Variants in CLEC2L observed in about 807,000 individuals in gnomAD.
CLEC2L encodes C-type lectin domain family 2, member L.
In CLEC2L, 14 loss-of-function variants were observed where a neutral mutation model predicts 23.6. The ratio of observed to expected loss-of-function variants is 0.59; its 90% confidence interval spans 0.39 to 0.93. CLEC2L has a LOEUF of 0.93. CLEC2L is among the 40% of genes least tolerant of loss of function. The pLI is 0.00. For synonymous variants in CLEC2L, 114 were observed against 121.3 expected, an observed-to-expected ratio of 0.94 and a Z score of 0.40; for missense variants, 264 against 282.4, an observed-to-expected ratio of 0.93 and a Z score of 0.47.
At chr7:139,532,333 C>A (rs1382142615) in intron 1 of CLEC2L, among the ~76,000 whole-genome samples, 7 of 152,158 alleles carry the variant, frequency 4.6e-5, no homozygotes, top group Admixed American at 4.6e-4. Flanking sequence ...CTTCCTCAGG[C>A]AGCCATTGGA....
intron 1 of CLEC2L, among the ~76,000 whole-genome samples, chr7:139,526,539 G>A (rs918774280): frequency 6.6e-6 from 1 of 152,172 alleles, no homozygotes; most frequent in African/African-American, 2.4e-5. Context: ...ACCATTCTGG[G>A]CCCTGGGCAC....
intron 4 of CLEC2L, among the ~76,000 whole-genome samples, chr7:139,543,600 A>G (rs981664208): frequency 6.6e-6 from 1 of 152,152 alleles, no homozygotes; most frequent in Non-Finnish European, 1.5e-5. Context: ...GTAGGGGGGA[A>G]TCCTCCCACC....
chr7:139,523,944 A>G lies in CLEC2L; in HGVS notation c.17A>G (p.Glu6Gly). The change falls in exon 1 of 5, where the codon GAG becomes GGG. Residue 6 changes from glutamate to glycine, a missense_variant. Glu to Gly is a moderately conservative substitution (Grantham distance 98). Transcript: ENST00000422142. The surrounding 1 kb of genome is among the most constrained non-coding windows in gnomAD (Gnocchi z 4.1). ...GCGCCCCGCATGGAGCCGGCCCGGG[A>G]GCCCCCCTCGCGGGCCCGGCCGCCG... MEPAR[E>G]PPSRARPPPP... 1 of 972,750 alleles carries G rather than the reference A, an allele frequency of 1.0e-6. No homozygotes were observed. The highest frequency in any genetic ancestry group is 1.2e-6 in the Non-Finnish European group (1 of 822,680). The allele number at this position is 972,750 out of a possible 1,614,324, so 60.3% of individuals were successfully genotyped here. A position where few individuals can be genotyped will look rare whatever the true frequency, so the allele number is the denominator to read the frequency against.
chr7:139,544,367 C>A lies in CLEC2L; in HGVS notation c.*25C>A, dbSNP rs748081698. ...AGGTGGGTGGGGCCAGAGGTGGCCC[C>A]GCCCCTAGGCCTGTGGGAGGTGTCT... On this transcript the variant is annotated 3_prime_UTR_variant, in exon 5 of 5. Coordinates refer to ENST00000422142, the MANE Select transcript of CLEC2L (RefSeq NM_001080511.4). The A allele has an allele frequency of 2.6e-6, 4 of 1,513,404 alleles. No homozygotes were observed. The highest frequency in any genetic ancestry group is 2.7e-6 in the Non-Finnish European group (3 of 1,098,992). 93.7% of individuals were successfully genotyped at this position (1,513,404 alleles called of 1,614,324 possible). A position where few individuals can be genotyped will look rare whatever the true frequency, so the allele number is the denominator to read the frequency against.
At chr7:139,543,653 A>C (rs1000495341) in intron 4 of CLEC2L, among the ~76,000 whole-genome samples, 2 of 152,208 alleles carry the variant, frequency 1.3e-5, no homozygotes, top group African/African-American at 4.8e-5. Flanking sequence ...TGTGCAACCC[A>C]GCCTCAGTTA....
Position 139,537,772 on chromosome 7 carries a change from T to A in CLEC2L, c.265+1424T>A, listed in dbSNP as rs76747784. Among the ~76,000 whole-genome samples, 1,328 of 152,294 alleles carry A rather than the reference T, an allele frequency of 8.7e-3. 19 individuals are homozygous for A. Among genetic ancestry groups the A allele is most frequent in the African/African-American group, 0.03 (1,251 of 41,566 alleles). On this transcript the variant is annotated intron_variant, in intron 2 of 4. Transcript: ENST00000422142. ...TATGTCAAAGTGGCATATTTTAGGGTGGCATATTCTGGACCCCATCAAGGA... is the reference window on the plus strand; with the variant it reads ...TATGTCAAAGTGGCATATTTTAGGGAGGCATATTCTGGACCCCATCAAGGA...
At chr7:139,530,425 G>A (rs1797565110) in intron 1 of CLEC2L, among the ~76,000 whole-genome samples, 1 of 152,130 alleles carries the variant, frequency 6.6e-6, no homozygotes, top group South Asian at 2.1e-4. Flanking sequence ...AGAACAGGAG[G>A]ACTGGTTGAA....
chr7:139,536,330 G>A lies in CLEC2L; in HGVS notation c.247G>A (p.Val83Met). The A allele has an allele frequency of 3.9e-6, 6 of 1,551,526 alleles. No individual in the cohort carries two copies. Among genetic ancestry groups the A allele is most frequent in the Non-Finnish European group, 5.2e-6 (6 of 1,146,872 alleles). The change falls in exon 2 of 5, where the codon GTG becomes ATG. Residue 83 changes from valine to methionine, a missense_variant. Physicochemically the swap from Val to Met is conservative, Grantham distance 21. Coordinates refer to ENST00000422142, the MANE Select transcript of CLEC2L (RefSeq NM_001080511.4). ...AIAVLLFAILVVMSILASKGC... is the reference protein window; with the variant it reads ...AIAVLLFAILMVMSILASKGC... ...CGCGGTCCTTCTGTTCGCCATCTTG[G>A]TGGTGATGAGCATCTTGGGTGAGCA... is the stretch of plus-strand genomic sequence containing the variant.
At chr7:139,531,325 A>G (rs1283389386) in intron 1 of CLEC2L, among the ~76,000 whole-genome samples, 2 of 152,240 alleles carry the variant, frequency 1.3e-5, no homozygotes. Context: ...TAAAACAAGA[A>G]TAGGATTCTT....
intron 1 of CLEC2L, among the ~76,000 whole-genome samples, chr7:139,530,813 CAAAAAAAA>C (rs34317849): frequency 1.2e-5 from 1 of 80,656 alleles, no homozygotes; most frequent in South Asian, 4.9e-4. Flanking sequence ...ACTCTTGTCT[CAAAAAAAA>C]AAAAAAAAAA....
chr7:139,542,169 G>T (rs1351221094), intron 4 of CLEC2L, 48 bp downstream of exon 4: 5 of 1,317,000 alleles, frequency 3.8e-6, no homozygotes, highest in Non-Finnish European at 5.3e-6. Context: ...ACTGAGAAAG[G>T]CCTGACTCAC....
intron 2 of CLEC2L, among the ~76,000 whole-genome samples, chr7:139,537,595 G>A (rs1421656950): frequency 6.6e-6 from 1 of 152,214 alleles, no homozygotes; most frequent in African/African-American, 2.4e-5. Flanking sequence ...GGTTTAGGGT[G>A]GGCAGTGGGG....
In CLEC2L at chr7:139,542,066, C is replaced by A; in HGVS notation, c.478C>A (p.Arg160Ser). 1 of 1,613,184 alleles carries A rather than the reference C, an allele frequency of 6.2e-7. No homozygotes were observed. The highest frequency in any genetic ancestry group is 1.7e-5 in the Admixed American group (1 of 59,908). The change falls in exon 4 of 5, where the codon CGC becomes AGC. Residue 160 changes from arginine (R) to serine (S), a missense_variant. Coordinates refer to ENST00000422142, the MANE Select transcript of CLEC2L (RefSeq NM_001080511.4). Reference protein sequence around the residue: ...FTRREPWIGLRRVGDEFHWVN... With the variant: ...FTRREPWIGLSRVGDEFHWVN... ...GCGGAGGGAGCCCTGGATTGGACTA[C>A]GCAGAGTTGGGGACGAATTCCACTG...
intron 2 of CLEC2L, among the ~76,000 whole-genome samples, chr7:139,537,499 G>A (rs1386644227): frequency 1.3e-5 from 2 of 152,184 alleles, no homozygotes; most frequent in Non-Finnish European, 2.9e-5. Context: ...GGGAGATAAA[G>A]GCTATTTTGG....
chr7:139,544,405 A>G lies in CLEC2L; in HGVS notation c.*63A>G, dbSNP rs1797779679. 1 of 1,237,538 alleles carries G rather than the reference A, an allele frequency of 8.1e-7. No individual in the cohort carries two copies. The highest frequency in any genetic ancestry group is 1.5e-5 in the African/African-American group (1 of 67,224). The allele number at this position is 1,237,538 out of a possible 1,614,324, so 76.7% of individuals were successfully genotyped here. A position where few individuals can be genotyped will look rare whatever the true frequency, so the allele number is the denominator to read the frequency against. ...GTGGGAGGTGTCTGGTGTCTGCTCA[A>G]GACCTGCTTCCAGCGGAGCCGCCTG... On this transcript the variant is annotated 3_prime_UTR_variant, in exon 5 of 5. Coordinates refer to ENST00000422142, the MANE Select transcript of CLEC2L (RefSeq NM_001080511.4).
intron 2 of CLEC2L, among the ~76,000 whole-genome samples, chr7:139,538,684 G>A (rs773937283): frequency 1.3e-5 from 2 of 152,200 alleles, no homozygotes; most frequent in African/African-American, 2.4e-5. Flanking sequence ...GGGAGGCAGA[G>A]GTTGCAGTGA....
chr7:139,538,439 A>AC (rs1797689042), intron 2 of CLEC2L, among the ~76,000 whole-genome samples: 1 of 148,034 alleles, frequency 6.8e-6, no homozygotes, highest in African/African-American at 2.5e-5. Context: ...TCAAAAAAAA[A>AC]AAAACAAAAA....
chr7:139,527,072 C>T (rs1234453249), intron 1 of CLEC2L, among the ~76,000 whole-genome samples: 1 of 152,262 alleles, frequency 6.6e-6, no homozygotes, highest in Non-Finnish European at 1.5e-5. Context: ...GTGCCCAATG[C>T]ACATCAAGCA....
intron 1 of CLEC2L, among the ~76,000 whole-genome samples, chr7:139,531,342 G>A (rs1288927350): frequency 3.9e-5 from 6 of 152,160 alleles, no homozygotes; most frequent in Non-Finnish European, 5.9e-5. Flanking sequence ...TCTTTAAGAG[G>A]GGGTATTCAT....
Sources: allele counts gnomAD v4.1 joint callset (sites outside exome capture counted in the v4.1 genomes callset), GRCh38; gene constraint gnomAD v4.1.1; non-coding constraint Gnocchi (gnomAD v3.1); transcripts MANE v1.5; gene names NCBI Gene and HGNC (gene_info 2026-07-23, HGNC 2026-07-21).